Variants in ZFYVE9 observed in about 807,000 individuals in gnomAD.
ZFYVE9 encodes zinc finger FYVE-type containing 9, also known as zinc finger FYVE domain-containing protein 9.
A neutral mutation model predicts 126.7 loss-of-function variants in ZFYVE9; 43 were observed. The observed-to-expected ratio is 0.34, with a 90% CI of 0.27 to 0.44. ZFYVE9 has a LOEUF of 0.44. Among genes scored for constraint, ZFYVE9 ranks in the 20% least tolerant of loss-of-function variants. The probability of loss-of-function intolerance (pLI) is 1.00; values close to 1 mark genes in which losing one functional copy is unlikely to be tolerated. For missense variants in ZFYVE9, 1,476 were observed against 1,697.0 expected (o/e 0.87, Z 2.29); for synonymous variants, 521 against 597.4 (o/e 0.87, Z 1.87).
intron 2 of ZFYVE9, among the ~76,000 whole-genome samples, chr1:52,229,432 T>C (rs1183065228): frequency 6.6e-6 from 1 of 152,224 alleles, no homozygotes; most frequent in Non-Finnish European, 1.5e-5. Context: ...TCTTTGAAAT[T>C]AGTGATTTAC....
At chr1:52,232,008 T>C (rs913644056) in intron 2 of ZFYVE9, among the ~76,000 whole-genome samples, 6 of 152,204 alleles carry the variant, frequency 3.9e-5, no homozygotes, top group South Asian at 2.1e-4. Flanking sequence ...TTGACACTTA[T>C]ATACCTCAGA....
rs1230625271 is a variant in ZFYVE9 at position 52,281,710 on chromosome 1, G to A, written c.2919G>A (p.Val973=). 1.2e-6 allele frequency: 2 copies of A among 1,614,114 alleles called. No homozygotes were observed. The highest frequency in any genetic ancestry group is 2.2e-5 in the South Asian group (2 of 91,084). The change falls in exon 10 of 19, where the codon GTG becomes GTA. Residue 973 remains valine, a synonymous_variant. Transcript: ENST00000287727. ...TCACAACCAAGGGAATGCATGCAGT[G>A]GGTCAGTCTGAGATAGTCATTCTTC... ...WCFTTKGMHA[V]GQSEIVILLQ...
At chr1:52,245,279 G>C (rs1645373527) in intron 4 of ZFYVE9, among the ~76,000 whole-genome samples, 1 of 151,436 alleles carries the variant, frequency 6.6e-6, no homozygotes, top group African/African-American at 2.4e-5. Context: ...AAAAGGAAAA[G>C]AATGGGCCTC....
At position 52,291,954 on chromosome 1, in the gene ZFYVE9, T is replaced by C. The variant is rs940154223; in HGVS notation, c.3026-1499T>C. ...TTAGATAAGCCCTAAATTATAGAGC[T>C]ATGTTTCATATTTGTCTCAAAAAAT... is the stretch of plus-strand genomic sequence containing the variant. On this transcript the variant is annotated intron_variant, in intron 10 of 18. Transcript: ENST00000287727. Among the ~76,000 whole-genome samples, 8 of 150,226 alleles carry C rather than the reference T, an allele frequency of 5.3e-5. 1 individual carries two copies. Among genetic ancestry groups the C allele is most frequent in the Admixed American group, 6.6e-5 (1 of 15,080 alleles).
At chr1:52,172,648 C>G (rs1292765557) in intron 1 of ZFYVE9, among the ~76,000 whole-genome samples, 1 of 152,084 alleles carries the variant, frequency 6.6e-6, no homozygotes, top group Non-Finnish European at 1.5e-5. Context: ...GAATGTTCTT[C>G]CATTTGTTTG....
chr1:52,216,187 C>A (rs1421008247), intron 1 of ZFYVE9, among the ~76,000 whole-genome samples, 182 bp from the exon 2 acceptor site: 1 of 152,152 alleles, frequency 6.6e-6, no homozygotes, highest in African/African-American at 2.4e-5. Flanking sequence ...TTTGGCCTTT[C>A]AGACAATAAA....
At chr1:52,256,240 TG>T (rs1288256915) in intron 4 of ZFYVE9, among the ~76,000 whole-genome samples, 1 of 151,892 alleles carries the variant, frequency 6.6e-6, no homozygotes, top group Non-Finnish European at 1.5e-5. Context: ...AGCTAATTTT[TG>T]TATTTTTAGT....
chr1:52,328,247 T>A (rs138701888), intron 13 of ZFYVE9, among the ~76,000 whole-genome samples: 1 of 152,284 alleles, frequency 6.6e-6, no homozygotes, highest in Non-Finnish European at 1.5e-5. Context: ...GAAAACCAGT[T>A]ACAAGGTCAT....
intron 12 of ZFYVE9, among the ~76,000 whole-genome samples, chr1:52,299,436 T>C (rs1646011616): frequency 6.6e-6 from 1 of 152,216 alleles, no homozygotes; most frequent in South Asian, 2.1e-4. Context: ...GCTAGGACTA[T>C]GTTGAATAGA....
intron 1 of ZFYVE9, among the ~76,000 whole-genome samples, chr1:52,180,975 C>CAAAAAAAAA (rs746468501): frequency 1.9e-5 from 1 of 53,284 alleles, no homozygotes; most frequent in Non-Finnish European, 3.8e-5. Context: ...AACTCCGTCT[C>CAAAAAAAAA]AAAAAAAAAA....
intron 1 of ZFYVE9, among the ~76,000 whole-genome samples, chr1:52,198,118 T>TG (rs1557451509): frequency 1.1e-4 from 4 of 37,230 alleles, no homozygotes; most frequent in Admixed American, 4.3e-4. Flanking sequence ...GTGTTTTTTT[T>TG]TGTTTGTTTT....
chr1:52,268,442 T>C, intron 6 of ZFYVE9, 21 bp from the exon 7 acceptor site: 1 of 1,604,186 alleles, frequency 6.2e-7, no homozygotes, highest in Non-Finnish European at 8.5e-7. Context: ...GATGCCTGTT[T>C]TATTTTTCTG....
intron 1 of ZFYVE9, among the ~76,000 whole-genome samples, chr1:52,187,165 A>G (rs1644773088): frequency 6.6e-6 from 1 of 152,096 alleles, no homozygotes; most frequent in South Asian, 2.1e-4. Context: ...TAAGGTCCAT[A>G]CCTACAACCA....
chr1:52,237,446 G>A (rs1645283159), intron 3 of ZFYVE9, 42 bp from the exon 4 acceptor site: 2 of 1,494,028 alleles, frequency 1.3e-6, no homozygotes, highest in African/African-American at 1.4e-5. Flanking sequence ...AGCTTTTCCA[G>A]TGTTACAAGC....
intron 13 of ZFYVE9, among the ~76,000 whole-genome samples, chr1:52,328,697 T>C (rs1329499046): frequency 6.6e-6 from 1 of 152,220 alleles, no homozygotes; most frequent in African/African-American, 2.4e-5. Flanking sequence ...CATCTCAGTT[T>C]CTTTCATGTG....
intron 13 of ZFYVE9, among the ~76,000 whole-genome samples, chr1:52,305,322 G>A (rs939795943): frequency 3.3e-4 from 50 of 152,088 alleles, no homozygotes; most frequent in African/African-American, 1.2e-3. Context: ...CCAGCTACTC[G>A]GGAGGCTGAG....
At chr1:52,266,410 A>T (rs1038445818) in intron 5 of ZFYVE9, among the ~76,000 whole-genome samples, 6 of 141,902 alleles carry the variant, frequency 4.2e-5, no homozygotes, top group African/African-American at 1.5e-4. Context: ...TTCTTTAAAA[A>T]AAAAAAAAAA....
chr1:52,157,465 G>A (rs1056992145), intron 1 of ZFYVE9, among the ~76,000 whole-genome samples: 2 of 123,016 alleles, frequency 1.6e-5, no homozygotes, highest in Non-Finnish European at 3.2e-5. Context: ...CAGTGGTGTG[G>A]TCTCAGCTCA....
intron 1 of ZFYVE9, among the ~76,000 whole-genome samples, chr1:52,151,058 T>C (rs1644352428): frequency 6.6e-6 from 1 of 151,588 alleles, no homozygotes; most frequent in African/African-American, 2.4e-5. Flanking sequence ...AGGTCACTCA[T>C]GGAAATTTCT....
Sources: allele counts gnomAD v4.1 joint callset (sites outside exome capture counted in the v4.1 genomes callset), GRCh38; gene constraint gnomAD v4.1.1; transcripts MANE v1.5; gene names NCBI Gene and HGNC (gene_info 2026-07-23, HGNC 2026-07-21).